AUTS2: variants seen among roughly 807,000 people sequenced by gnomAD.
The protein encoded by AUTS2 is activator of transcription and developmental regulator AUTS2.
AUTS2 carries 17 observed loss-of-function variants against 112.4 expected under a neutral mutation model. The observed-to-expected ratio is 0.15, with a 90% CI of 0.10 to 0.23. The LOEUF (loss-of-function observed/expected upper bound fraction) is 0.23, where lower values mean the gene tolerates loss of function less well. AUTS2 is among the 10% of genes least tolerant of loss of function. The pLI is 1.00. For missense variants in AUTS2, 1,510 were observed against 1,701.6 expected, an observed-to-expected ratio of 0.89 and a Z score of 1.98; for synonymous variants, 751 against 702.7, an observed-to-expected ratio of 1.07 and a Z score of -1.09.
At chr7:70,617,319 C>A (rs947507380) in intron 5 of AUTS2, among the ~76,000 whole-genome samples, 1 of 152,180 alleles carries the variant, frequency 6.6e-6, no homozygotes, top group East Asian at 1.9e-4. Flanking sequence ...TGGAGTCCAA[C>A]GGTTAGTGGG....
intron 4 of AUTS2, among the ~76,000 whole-genome samples, chr7:70,261,674 T>C (rs1328305912): frequency 6.6e-6 from 1 of 152,228 alleles, no homozygotes; most frequent in Non-Finnish European, 1.5e-5. Flanking sequence ...TCAGCTGGAC[T>C]CAAGTTAATT....
chr7:70,539,060 A>C (rs1800438325), intron 5 of AUTS2, among the ~76,000 whole-genome samples: 1 of 152,170 alleles, frequency 6.6e-6, no homozygotes, highest in Non-Finnish European at 1.5e-5. Flanking sequence ...AGGGGACCGA[A>C]TAGTGAGACA....
At chr7:70,254,621 T>G (rs1786763383) in intron 4 of AUTS2, among the ~76,000 whole-genome samples, 1 of 152,214 alleles carries the variant, frequency 6.6e-6, no homozygotes, top group African/African-American at 2.4e-5. Context: ...TTCGGGCAAA[T>G]GCTTCAAAAG....
intron 5 of AUTS2, among the ~76,000 whole-genome samples, chr7:70,651,593 C>T (rs184327852): frequency 6.6e-6 from 1 of 152,202 alleles, no homozygotes; most frequent in East Asian, 1.9e-4. Context: ...TTGAGGATCT[C>T]ATGTAATTTA....
intron 1 of AUTS2, among the ~76,000 whole-genome samples, chr7:69,818,407 G>A (rs1790850848): frequency 6.6e-6 from 1 of 152,172 alleles, no homozygotes; most frequent in Non-Finnish European, 1.5e-5. Flanking sequence ...ACCCGAGATT[G>A]TATATTATTA....
At chr7:70,032,461 T>C (rs1281845874) in intron 2 of AUTS2, among the ~76,000 whole-genome samples, 2 of 152,226 alleles carry the variant, frequency 1.3e-5, no homozygotes, top group East Asian at 1.9e-4. Flanking sequence ...ACTCCTCCAA[T>C]AGAGACATTT....
intron 4 of AUTS2, among the ~76,000 whole-genome samples, chr7:70,264,213 G>C (rs537934163): frequency 6.6e-6 from 1 of 152,168 alleles, no homozygotes; most frequent in South Asian, 2.1e-4. Context: ...CTTTTTGTTT[G>C]TTTGTTTGTT....
chr7:70,500,467 A>G (rs1798727213), intron 5 of AUTS2, among the ~76,000 whole-genome samples: 1 of 152,220 alleles, frequency 6.6e-6, no homozygotes, highest in African/African-American at 2.4e-5. Flanking sequence ...CATAAAAATC[A>G]CAACCACATC....
intron 1 of AUTS2, among the ~76,000 whole-genome samples, chr7:69,860,039 G>A (rs746976442): frequency 2.6e-5 from 4 of 151,938 alleles, no homozygotes; most frequent in Non-Finnish European, 5.9e-5. Flanking sequence ...TGACAAAGAG[G>A]TGTTTTTTTT....
chr7:69,675,138 T>TA (rs1489006649), intron 1 of AUTS2, among the ~76,000 whole-genome samples: 1 of 152,170 alleles, frequency 6.6e-6, no homozygotes, highest in African/African-American at 2.4e-5. Context: ...CTGGGAATCT[T>TA]ACCAAATCAA....
chr7:70,235,696 G>C (rs766868038), intron 4 of AUTS2, among the ~76,000 whole-genome samples: 1 of 151,168 alleles, frequency 6.6e-6, no homozygotes, highest in Non-Finnish European at 1.5e-5. Context: ...CTGTTGCCTG[G>C]GCTGGAGTGC....
chr7:70,508,549 C>A (rs1401349160), intron 5 of AUTS2, among the ~76,000 whole-genome samples: 1 of 152,134 alleles, frequency 6.6e-6, no homozygotes, highest in Admixed American at 6.5e-5. Flanking sequence ...ATCTTTCTCT[C>A]CCCAGTAGTC....
intron 1 of AUTS2, among the ~76,000 whole-genome samples, chr7:69,694,112 A>G (rs1416779999): frequency 1.3e-5 from 2 of 152,150 alleles, no homozygotes. Flanking sequence ...TGGCTTCCTT[A>G]GACTCGTGTG....
At chr7:70,396,578 T>C (rs544110552) in intron 4 of AUTS2, among the ~76,000 whole-genome samples, 8 of 152,236 alleles carry the variant, frequency 5.3e-5, no homozygotes, top group Middle Eastern at 3.4e-3. Context: ...GGTTTTGCCA[T>C]GTTGGCCAGG....
chr7:70,617,213 A>G (rs1009567348), intron 5 of AUTS2, among the ~76,000 whole-genome samples: 1 of 152,162 alleles, frequency 6.6e-6, no homozygotes, highest in Non-Finnish European at 1.5e-5. Context: ...AGTCCGTGCT[A>G]TCCTTGCAGA....
At chr7:69,911,164 G>A (rs1225429870) in intron 2 of AUTS2, among the ~76,000 whole-genome samples, 1 of 152,238 alleles carries the variant, frequency 6.6e-6, no homozygotes, top group Non-Finnish European at 1.5e-5. Context: ...TGCTGCGGCA[G>A]GGTGGGCAGC....
chr7:69,961,055 C>G (rs1797410062), intron 2 of AUTS2, among the ~76,000 whole-genome samples: 1 of 152,020 alleles, frequency 6.6e-6, no homozygotes, highest in African/African-American at 2.4e-5. Flanking sequence ...TTCCGGTGTA[C>G]CTTGTGGAGA....
At chr7:70,013,073 A>G (rs1406321425) in intron 2 of AUTS2, among the ~76,000 whole-genome samples, 1 of 152,200 alleles carries the variant, frequency 6.6e-6, no homozygotes, top group African/African-American at 2.4e-5. Flanking sequence ...GAAGAATTCA[A>G]TTCTCTGTAA....
chr7:69,953,057 A>T (rs1468837293), intron 2 of AUTS2, among the ~76,000 whole-genome samples: 4 of 152,094 alleles, frequency 2.6e-5, no homozygotes, highest in Non-Finnish European at 5.9e-5. Context: ...CCCTCCCCTA[A>T]ATTAGTGGCA....
Sources: gnomAD v4.1 joint callset for allele counts (sites outside exome capture counted in the v4.1 genomes callset) on GRCh38, gnomAD v4.1.1 for gene constraint, MANE v1.5 for transcripts, NCBI Gene and HGNC (gene_info 2026-07-23, HGNC 2026-07-21) for gene names.